The following DCC variants were observed in gnomAD, a reference collection of about 807,000 sequenced individuals.
DCC encodes netrin receptor DCC.
Under a neutral mutation model 172.5 loss-of-function variants are expected in DCC, and 58 were observed. That is an observed-to-expected ratio of 0.34 (90% CI 0.27 to 0.42). DCC has a LOEUF of 0.42. DCC is among the 10% of genes least tolerant of loss of function. DCC has a pLI of 1.00. For missense variants in DCC, 1,740 were observed against 1,791.0 expected (o/e 0.97, Z 0.51); for synonymous variants, 709 against 644.5 (o/e 1.10, Z -1.52).
At chr18:52,881,324 T>C (rs898017709) in intron 2 of DCC, among the ~76,000 whole-genome samples, 1 of 152,000 alleles carries the variant, frequency 6.6e-6, no homozygotes, top group African/African-American at 2.4e-5. Context: ...ATGTTGACTG[T>C]TCTTTGCCAA....
chr18:52,509,452 T>C (rs749775919), intron 1 of DCC, among the ~76,000 whole-genome samples: 13 of 152,172 alleles, frequency 8.5e-5, no homozygotes, highest in Admixed American at 7.9e-4. Flanking sequence ...TGACCATGAA[T>C]TGATTTAAGT....
At chr18:53,162,939 T>C (rs4245256) in intron 8 of DCC, among the ~76,000 whole-genome samples, 61,424 of 152,056 alleles carry the variant, frequency 0.4, 13,349 homozygotes, top group East Asian at 0.71. Context: ...ACATTATAGA[T>C]ACTCACTAAA....
chr18:53,253,785 T>A (rs549068502), intron 12 of DCC, among the ~76,000 whole-genome samples: 22 of 152,184 alleles, frequency 1.4e-4, no homozygotes, highest in African/African-American at 5.1e-4. Flanking sequence ...AGGAGTTAGA[T>A]TGAAACTAAT....
At chr18:52,642,801 C>T (rs2034935912) in intron 1 of DCC, among the ~76,000 whole-genome samples, 1 of 152,150 alleles carries the variant, frequency 6.6e-6, no homozygotes, top group African/African-American at 2.4e-5. Context: ...CTAGTTGCGA[C>T]TATGGGTTTG....
intron 5 of DCC, among the ~76,000 whole-genome samples, chr18:53,003,458 C>T (rs1013722794): frequency 6.6e-6 from 1 of 151,972 alleles, no homozygotes; most frequent in Non-Finnish European, 1.5e-5. Flanking sequence ...GTCAAATACT[C>T]CCTCTCTCTC....
chr18:52,923,926 C>T (rs1292425328), intron 4 of DCC, 69 bp downstream of exon 4: 2 of 1,174,604 alleles, frequency 1.7e-6, no homozygotes, highest in Non-Finnish European at 1.3e-6. Context: ...TTATATTTCT[C>T]TAATTTGATA....
At chr18:53,437,582 CAAAAAAAAAAAAAAAAAA>C (rs74180424) in intron 22 of DCC, among the ~76,000 whole-genome samples, 2 of 20,806 alleles carry the variant, frequency 9.6e-5, no homozygotes, top group Non-Finnish European at 1.5e-4. Flanking sequence ...GGCTCCATCT[CAAAAAAAAAAAAAAAAAA>C]AAAAAAAAAA....
intron 1 of DCC, among the ~76,000 whole-genome samples, chr18:52,417,480 T>C (rs143918219): frequency 0.13 from 19,048 of 152,100 alleles, 1,483 homozygotes; most frequent in Admixed American, 0.19. Context: ...CTAACTTGGT[T>C]CCATTCTCCC....
chr18:53,069,472 C>A (rs2042622478), intron 7 of DCC, among the ~76,000 whole-genome samples: 1 of 152,112 alleles, frequency 6.6e-6, no homozygotes. Flanking sequence ...CCAACCAAGA[C>A]ACTAGAGTGA....
chr18:53,413,031 A>G (rs1263689877), intron 20 of DCC, among the ~76,000 whole-genome samples: 3 of 151,966 alleles, frequency 2.0e-5, no homozygotes, highest in African/African-American at 7.3e-5. Flanking sequence ...ATACATACAC[A>G]CTGTCAAACT....
chr18:52,780,763 C>T (rs528154846), intron 2 of DCC, among the ~76,000 whole-genome samples: 1 of 152,186 alleles, frequency 6.6e-6, no homozygotes, highest in Admixed American at 6.5e-5. Flanking sequence ...TGAAGGTCTT[C>T]AGGGGAGAAG....
At chr18:53,064,491 C>G (rs1255806973) in intron 6 of DCC, among the ~76,000 whole-genome samples, 1 of 152,092 alleles carries the variant, frequency 6.6e-6, no homozygotes, top group Non-Finnish European at 1.5e-5. Context: ...CATAGTCATC[C>G]TATGAGTCCA....
chr18:53,297,232 C>T (rs2057078573), intron 12 of DCC, among the ~76,000 whole-genome samples: 1 of 152,160 alleles, frequency 6.6e-6, no homozygotes, highest in African/African-American at 2.4e-5. Context: ...AACACCACAT[C>T]ATTGAATTGG....
chr18:52,495,767 T>C (rs77997482), intron 1 of DCC, among the ~76,000 whole-genome samples: 1,516 of 146,184 alleles, frequency 0.01, 58 homozygotes, highest in East Asian at 0.065. Context: ...TTTATTTATG[T>C]ATTTTTTTTT....
chr18:52,829,782 AG>A (rs1568130432), intron 2 of DCC, among the ~76,000 whole-genome samples: 2 of 152,184 alleles, frequency 1.3e-5, no homozygotes, highest in African/African-American at 4.8e-5. Flanking sequence ...CAACAGACAA[AG>A]ACTCTACCTT....
intron 3 of DCC, among the ~76,000 whole-genome samples, chr18:52,918,280 T>C (rs2040070189): frequency 6.6e-6 from 1 of 152,178 alleles, no homozygotes; most frequent in African/African-American, 2.4e-5. Flanking sequence ...TGGATATGAA[T>C]AGTGGTGCCC....
intron 7 of DCC, among the ~76,000 whole-genome samples, chr18:53,152,633 A>G (rs748771185): frequency 3.9e-5 from 6 of 152,186 alleles, no homozygotes; most frequent in Admixed American, 6.5e-5. Context: ...CCTCTTCTCC[A>G]TGACAACAGA....
chr18:53,518,343 T>A (rs549170133), intron 27 of DCC, among the ~76,000 whole-genome samples: 1 of 152,116 alleles, frequency 6.6e-6, no homozygotes, highest in Non-Finnish European at 1.5e-5. Context: ...ATGCTGTGCA[T>A]TGGCCTCTGA....
chr18:53,314,167 C>G (rs915737497), intron 13 of DCC, among the ~76,000 whole-genome samples: 7 of 152,280 alleles, frequency 4.6e-5, no homozygotes, highest in Admixed American at 3.9e-4. Flanking sequence ...CCAAACAAAT[C>G]ACAGCATAGA....
Sources: gnomAD v4.1 joint callset for allele counts (sites outside exome capture counted in the v4.1 genomes callset) on GRCh38, gnomAD v4.1.1 for gene constraint, MANE v1.5 for transcripts, NCBI Gene and HGNC (gene_info 2026-07-23, HGNC 2026-07-21) for gene names.